CDK6: variants seen among roughly 807,000 people sequenced by gnomAD.
CDK6 encodes cyclin-dependent kinase 6.
Under a neutral mutation model 37.1 loss-of-function variants are expected in CDK6, and 6 were observed. That is an observed-to-expected ratio of 0.16 (90% CI 0.09 to 0.32). The LOEUF (loss-of-function observed/expected upper bound fraction) is 0.32, where lower values mean the gene tolerates loss of function less well. Among genes scored for constraint, CDK6 ranks in the 10% least tolerant of loss-of-function variants. The pLI is 1.00. For synonymous variants in CDK6, 160 were observed against 161.3 expected (o/e 0.99, Z 0.06); for missense variants, 224 against 418.9 (o/e 0.53, Z 4.06).
At chr7:92,815,517 A>T (rs1801005909) in intron 2 of CDK6, among the ~76,000 whole-genome samples, 1 of 152,188 alleles carries the variant, frequency 6.6e-6, no homozygotes, top group South Asian at 2.1e-4. Flanking sequence ...CAGATATTGG[A>T]CTATAGGTAG....
At position 92,834,624 on chromosome 7, in the gene CDK6, C is replaced by T. The variant is rs919451589; in HGVS notation, c.-367-934G>A. 8.1e-5 allele frequency among the ~76,000 whole-genome samples: 12 copies of T among 147,622 alleles called. No individual in the cohort carries two copies. The highest frequency in any genetic ancestry group is 1.5e-4 in the African/African-American group (6 of 39,598). ...GGGGATAGCATAATCGCGCCTCGTC[C>T]TTAAGTTTTAAACTGATTTCGACCT... is the stretch of plus-strand genomic sequence containing the variant. On this transcript the variant is annotated intron_variant, in intron 1 of 7. Coordinates refer to ENST00000424848, the MANE Select transcript of CDK6 (RefSeq NM_001145306.2). The surrounding 1 kb of genome is among the most constrained non-coding windows in gnomAD (Gnocchi z 4.6).
intron 5 of CDK6, among the ~76,000 whole-genome samples, chr7:92,645,231 C>A (rs545231386): frequency 6.6e-6 from 1 of 152,302 alleles, no homozygotes; most frequent in African/African-American, 2.4e-5. Flanking sequence ...TAGGATAATT[C>A]TCTTAATGAA....
chr7:92,783,746 T>TAA (rs1800055082), intron 2 of CDK6, among the ~76,000 whole-genome samples: 1 of 152,176 alleles, frequency 6.6e-6, no homozygotes, highest in Admixed American at 6.5e-5. Flanking sequence ...GAGCAAACAG[T>TAA]AAAACTATGT....
chr7:92,695,900 T>C (rs1259723689), intron 4 of CDK6, among the ~76,000 whole-genome samples: 1 of 152,194 alleles, frequency 6.6e-6, no homozygotes, highest in African/African-American at 2.4e-5. Context: ...ACAAAGGAAA[T>C]ACCTTTCTTT....
At chr7:92,664,185 T>A (rs1287510099) in intron 5 of CDK6, among the ~76,000 whole-genome samples, 1 of 151,918 alleles carries the variant, frequency 6.6e-6, no homozygotes, top group Non-Finnish European at 1.5e-5. Flanking sequence ...TTTGGCTGGT[T>A]CTTTAAAGGA....
At chr7:92,832,079 G>C (rs1420825121) in intron 2 of CDK6, among the ~76,000 whole-genome samples, 1 of 152,148 alleles carries the variant, frequency 6.6e-6, no homozygotes, top group Non-Finnish European at 1.5e-5. Context: ...TCAAGATCGA[G>C]AAAGGTAAAA....
At chr7:92,719,295 G>A (rs1012452552) in intron 4 of CDK6, among the ~76,000 whole-genome samples, 1 of 152,012 alleles carries the variant, frequency 6.6e-6, no homozygotes, top group Admixed American at 6.6e-5. Context: ...GGCAATTTTT[G>A]TAATACTTCT....
intron 2 of CDK6, among the ~76,000 whole-genome samples, chr7:92,777,521 C>T (rs763733128): frequency 6.6e-6 from 1 of 152,240 alleles, no homozygotes; most frequent in Non-Finnish European, 1.5e-5. Flanking sequence ...GTTGGGATTA[C>T]AGGTGTGAGC....
chr7:92,713,182 A>C (rs1798141831), intron 4 of CDK6, among the ~76,000 whole-genome samples: 1 of 152,086 alleles, frequency 6.6e-6, no homozygotes, highest in Admixed American at 6.6e-5. Flanking sequence ...TACAATTCAC[A>C]ATGGGCTATC....
rs1796657011 is a variant in CDK6 at position 92,654,959 on chromosome 7, C to A, written c.647+16467G>T. Among the ~76,000 whole-genome samples, 5 of 152,014 alleles carry A rather than the reference C, an allele frequency of 3.3e-5. No homozygotes were observed. The South Asian group carries it at 1.0e-3, about 31-fold the overall frequency. On this transcript the variant is annotated intron_variant, in intron 5 of 7. Transcript: ENST00000424848. ...CTCCCAGGCTCAAGCTATTCTCCTA[C>A]CTCAGCCTCCCAAGGTGGGACTACA...
chr7:92,641,650 CAT>C (rs969289138), intron 5 of CDK6, among the ~76,000 whole-genome samples: 1 of 152,118 alleles, frequency 6.6e-6, no homozygotes, highest in Non-Finnish European at 1.5e-5. Context: ...AAGATGCATA[CAT>C]TATACAGATT....
chr7:92,749,107 G>A (rs911278840), intron 3 of CDK6, among the ~76,000 whole-genome samples: 2 of 151,796 alleles, frequency 1.3e-5, no homozygotes, highest in Non-Finnish European at 2.9e-5. Flanking sequence ...GCTGAGGCAG[G>A]AGAATTGCTT....
At chr7:92,669,564 G>A (rs926962002) in intron 5 of CDK6, among the ~76,000 whole-genome samples, 1 of 152,144 alleles carries the variant, frequency 6.6e-6, no homozygotes, top group Non-Finnish European at 1.5e-5. Context: ...TGGCTGTACC[G>A]AGTTATTCCT....
chr7:92,757,071 C>T (rs1426206014), intron 3 of CDK6, among the ~76,000 whole-genome samples: 2 of 152,172 alleles, frequency 1.3e-5, no homozygotes, highest in African/African-American at 4.8e-5. Context: ...TATAATGCAA[C>T]CCGAGCCTTT....
intron 4 of CDK6, chr7:92,724,960 T>G (rs955637395): frequency 1.1e-6 from 1 of 907,720 alleles, no homozygotes; most frequent in Non-Finnish European, 1.3e-6. Context: ...ATGAACTATA[T>G]GGAGAAATAG....
At chr7:92,743,489 G>T (rs566335888) in intron 3 of CDK6, among the ~76,000 whole-genome samples, 1 of 151,566 alleles carries the variant, frequency 6.6e-6, no homozygotes, top group Non-Finnish European at 1.5e-5. Context: ...TCTCAAAAAA[G>T]AAAGAACTCC....
At position 92,615,303 on chromosome 7, in the gene CDK6, A is replaced by T. The variant is rs776319311; in HGVS notation, c.835-17T>A. On this transcript the variant is annotated splice_polypyrimidine_tract_variant and intron_variant, in intron 7 of 7. Coordinates refer to ENST00000424848, the MANE Select transcript of CDK6 (RefSeq NM_001145306.2). Reference sequence around the variant, plus strand: ...CAAACACTTCTGTAATAAAGAAAAAAATAATTGGTTGATATACAATACATC... The same window carrying T: ...CAAACACTTCTGTAATAAAGAAAAATATAATTGGTTGATATACAATACATC... 3.8e-5 allele frequency: 61 copies of T among 1,598,312 alleles called. No homozygotes were observed. Among genetic ancestry groups the T allele is most frequent in the Non-Finnish European group, 5.1e-5 (59 of 1,167,092 alleles).
chr7:92,707,258 A>C (rs1073385), intron 4 of CDK6, among the ~76,000 whole-genome samples: 17,569 of 152,060 alleles, frequency 0.12, 1,201 homozygotes, highest in South Asian at 0.22. Context: ...CATTTTCTCT[A>C]TTTTAGCAGA....
chr7:92,625,284 T>C (rs959384624), intron 5 of CDK6, among the ~76,000 whole-genome samples: 10 of 151,414 alleles, frequency 6.6e-5, no homozygotes, highest in African/African-American at 2.4e-4. Flanking sequence ...GCCAATATTA[T>C]ACAGATAATC....
Sources: gnomAD v4.1 joint callset for allele counts (sites outside exome capture counted in the v4.1 genomes callset) on GRCh38, gnomAD v4.1.1 for gene constraint, Gnocchi (gnomAD v3.1) non-coding constraint, MANE v1.5 for transcripts, NCBI Gene and HGNC (gene_info 2026-07-23, HGNC 2026-07-21) for gene names.